The following KCNMA1 variants were observed in gnomAD, a reference collection of about 807,000 sequenced individuals.
The protein encoded by KCNMA1 is potassium calcium-activated channel subfamily M alpha 1.
A neutral mutation model predicts 140.0 loss-of-function variants in KCNMA1; 29 were observed. The ratio of observed to expected loss-of-function variants is 0.21; its 90% CI spans 0.15 to 0.28. The LOEUF is 0.28. Ranked by LOEUF, KCNMA1 falls within the 10% of genes least tolerant of loss-of-function variation. The pLI, the probability that KCNMA1 is intolerant of heterozygous loss-of-function variation, is 1.00. For missense variants in KCNMA1, 880 were observed against 1,602.2 expected, an observed-to-expected ratio of 0.55 and a Z score of 7.70; for synonymous variants, 612 against 611.9, an observed-to-expected ratio of 1.00 and a Z score of 0.00.
intron 1 of KCNMA1, among the ~76,000 whole-genome samples, chr10:77,588,033 T>C (rs2077784715): frequency 1.3e-5 from 2 of 152,240 alleles, no homozygotes; most frequent in Non-Finnish European, 2.9e-5. Flanking sequence ...TAGGAGCTTA[T>C]TAAAAGTCAA....
chr10:77,243,435 C>A (rs1377606689), intron 3 of KCNMA1, among the ~76,000 whole-genome samples: 1 of 152,194 alleles, frequency 6.6e-6, no homozygotes, highest in East Asian at 1.9e-4. Flanking sequence ...ACAGAAGTAA[C>A]TAGTGGGCTA....
intron 15 of KCNMA1, among the ~76,000 whole-genome samples, chr10:77,028,702 A>G (rs1277562633): frequency 6.6e-6 from 1 of 151,992 alleles, no homozygotes; most frequent in African/African-American, 2.4e-5. Flanking sequence ...GTCGCTCCCT[A>G]TTGTTTCATG....
intron 1 of KCNMA1, among the ~76,000 whole-genome samples, chr10:77,527,612 C>CCT (rs2056253118): frequency 1.3e-5 from 2 of 152,100 alleles, no homozygotes; most frequent in South Asian, 4.2e-4. Context: ...TGTGTCTCTT[C>CCT]CTCTCTCTCT....
intron 19 of KCNMA1, among the ~76,000 whole-genome samples, chr10:76,984,931 A>G (rs1351675012): frequency 1.3e-5 from 2 of 152,220 alleles, no homozygotes; most frequent in African/African-American, 2.4e-5. Context: ...GCAAGAGAAA[A>G]GGCAGAAAGT....
At chr10:77,134,677 G>C (rs2097944973) in intron 5 of KCNMA1, among the ~76,000 whole-genome samples, 2 of 152,120 alleles carry the variant, frequency 1.3e-5, no homozygotes, top group East Asian at 1.9e-4. Flanking sequence ...AAACTAAAAA[G>C]CTTGGCCCAA....
intron 3 of KCNMA1, among the ~76,000 whole-genome samples, chr10:77,209,208 T>C (rs1013184178): frequency 6.6e-6 from 1 of 151,990 alleles, no homozygotes; most frequent in African/African-American, 2.4e-5. Context: ...CCTCTAGGAG[T>C]TACAACAGAG....
chr10:77,550,188 C>T (rs1285558532), intron 1 of KCNMA1, among the ~76,000 whole-genome samples: 1 of 152,140 alleles, frequency 6.6e-6, no homozygotes, highest in African/African-American at 2.4e-5. Flanking sequence ...GAGACAGGAG[C>T]GCACTGGATG....
At chr10:76,984,726 TG>T (rs1555050430) in intron 19 of KCNMA1, among the ~76,000 whole-genome samples, 1 of 17,656 alleles carries the variant, frequency 5.7e-5, no homozygotes, top group Non-Finnish European at 2.2e-4. Flanking sequence ...TCCAGTATTG[TG>T]TGTGTAGTTA....
At chr10:76,890,574 G>A (rs2039541881) in intron 26 of KCNMA1, among the ~76,000 whole-genome samples, 1 of 152,182 alleles carries the variant, frequency 6.6e-6, no homozygotes, top group Non-Finnish European at 1.5e-5. Context: ...AAAATATGGG[G>A]AAAGTATGCA....
At chr10:77,288,047 T>C (rs1179525203) in intron 2 of KCNMA1, among the ~76,000 whole-genome samples, 1 of 152,222 alleles carries the variant, frequency 6.6e-6, no homozygotes, top group African/African-American at 2.4e-5. Flanking sequence ...TGCCTACGCA[T>C]GCATTCCAGT....
At chr10:77,263,150 G>A (rs2062469816) in intron 2 of KCNMA1, among the ~76,000 whole-genome samples, 1 of 152,084 alleles carries the variant, frequency 6.6e-6, no homozygotes, top group Non-Finnish European at 1.5e-5. Context: ...CAAGAAACTT[G>A]TATTACATGC....
intron 5 of KCNMA1, among the ~76,000 whole-genome samples, chr10:77,147,311 T>C (rs1430238140): frequency 6.6e-6 from 1 of 152,218 alleles, no homozygotes; most frequent in Non-Finnish European, 1.5e-5. Context: ...CTGTGTCATT[T>C]GCACAGGTCT....
intron 1 of KCNMA1, among the ~76,000 whole-genome samples, chr10:77,554,185 G>A (rs1364552955): frequency 6.6e-6 from 1 of 152,168 alleles, no homozygotes; most frequent in Non-Finnish European, 1.5e-5. Context: ...TCTTTCGCCT[G>A]CTGAAAGCCC....
Position 77,008,178 on chromosome 10 carries a change from T to C in KCNMA1, c.2092+3789A>G, listed in dbSNP as rs1285742829. 2.6e-6 allele frequency: 4 copies of C among 1,535,102 alleles called. No individual in the cohort carries two copies. In the Admixed American group the frequency reaches 7.8e-5, roughly 30 times the overall value. ...ACTCCGGGCTGCTGGGAACCCGTTT[T>C]ACTCACAATATATCACTACCAGTGT... On this transcript the variant is annotated intron_variant, in intron 18 of 27. Transcript: ENST00000286628.
chr10:77,413,098 T>C (rs1249813965), intron 1 of KCNMA1, among the ~76,000 whole-genome samples: 4 of 152,120 alleles, frequency 2.6e-5, no homozygotes, highest in Admixed American at 6.5e-5. Flanking sequence ...CCTCAAGTGA[T>C]CCACCTGCCT....
chr10:77,637,082 G>A (rs538026624), intron 1 of KCNMA1, 183 bp downstream of exon 1: 93 of 1,336,236 alleles, frequency 7.0e-5, no homozygotes, highest in Middle Eastern at 2.7e-4. Context: ...CTCACCCCCG[G>A]CGCGCCGCCC....
rs200773083 is a variant in KCNMA1 at position 76,887,342 on chromosome 10, G to A, written c.3635C>T (p.Thr1212Ile). Residue 1212 changes from threonine (T) to isoleucine (I), a missense_variant, in exon 28 of 28, where the codon ACA becomes ATA. By Grantham distance (89) the Thr-to-Ile change is moderately conservative. Transcript: ENST00000286628. ...CTTGGGCCGGTTCTGTCGGTTTGCTGTGGATGGGATGGAGTGAACAGAGGA... is the reference window on the plus strand; with the variant it reads ...CTTGGGCCGGTTCTGTCGGTTTGCTATGGATGGGATGGAGTGAACAGAGGA... ...KSSSVHSIPS[T>I]ANRQNRPKSR... The A allele has an allele frequency of 1.0e-4, 162 of 1,614,006 alleles. 1 individual carries two copies. Among genetic ancestry groups the A allele is most frequent in the Non-Finnish European group, 1.3e-4 (154 of 1,180,032 alleles).
intron 1 of KCNMA1, among the ~76,000 whole-genome samples, chr10:77,486,605 A>G (rs1056148712): frequency 6.6e-6 from 1 of 152,218 alleles, no homozygotes; most frequent in African/African-American, 2.4e-5. Flanking sequence ...TGAGCTCTCC[A>G]TGAGAATGAG....
intron 1 of KCNMA1, among the ~76,000 whole-genome samples, chr10:77,585,601 C>G (rs1469309574): frequency 3.3e-5 from 5 of 152,180 alleles, no homozygotes; most frequent in Non-Finnish European, 7.3e-5. Context: ...CTGTTCTCAT[C>G]ACCTCTTCAA....
Sources: gnomAD v4.1 joint callset for allele counts (sites outside exome capture counted in the v4.1 genomes callset) on GRCh38, gnomAD v4.1.1 for gene constraint, MANE v1.5 for transcripts, NCBI Gene and HGNC (gene_info 2026-07-23, HGNC 2026-07-21) for gene names.